The following BLTP1 variants were observed in gnomAD, a reference collection of about 807,000 sequenced individuals.
BLTP1 encodes bridge-like lipid transfer protein family member 1.
At chr4:122,187,846 A>G in the BLTP1 span, 1 of 1,521,664 alleles carries the variant, frequency 6.6e-7, no homozygotes, top group East Asian at 2.4e-5. Flanking sequence ...AAATATGGCC[A>G]GAATAGCATG....
chr4:122,184,608 C>G, the BLTP1 span: 1 of 763,418 alleles, frequency 1.3e-6, no homozygotes, highest in East Asian at 1.3e-4. Flanking sequence ...CCATTGCACT[C>G]CAGCCTGGGC....
At chr4:122,321,697 A>G in the BLTP1 span, among the ~76,000 whole-genome samples, 2 of 151,978 alleles carry the variant, frequency 1.3e-5, no homozygotes, top group East Asian at 1.9e-4. Context: ...AGAGATCTAT[A>G]TCATTTTCCT....
the BLTP1 span, chr4:122,290,812 T>TAAAC: frequency 1.1e-5 from 1 of 92,588 alleles, no homozygotes; most frequent in Non-Finnish European, 2.0e-5. Flanking sequence ...AAAAAAAATA[T>TAAAC]ACACACACAC....
chr4:122,180,708 T>G, the BLTP1 span, among the ~76,000 whole-genome samples: 1 of 152,232 alleles, frequency 6.6e-6, no homozygotes, highest in African/African-American at 2.4e-5. Context: ...ATTATGTAAT[T>G]GGGACACATG....
At chr4:122,190,328 T>G in the BLTP1 span, 55 of 705,192 alleles carry the variant, frequency 7.8e-5, no homozygotes, top group Non-Finnish European at 9.2e-5. Context: ...ATTCCTGGCC[T>G]TAAGTGATCC....
the BLTP1 span, chr4:122,235,639 G>T: frequency 5.2e-6 from 1 of 193,136 alleles, no homozygotes; most frequent in Non-Finnish European, 9.5e-6. Flanking sequence ...CCCCATCTCT[G>T]CTAAAAATAC....
At chr4:122,199,682 G>T in the BLTP1 span, among the ~76,000 whole-genome samples, 1 of 152,002 alleles carries the variant, frequency 6.6e-6, no homozygotes, top group Non-Finnish European at 1.5e-5. Context: ...CATGTTTTTG[G>T]CCTGAAAAAT....
the BLTP1 span, among the ~76,000 whole-genome samples, chr4:122,284,221 G>A: frequency 6.6e-6 from 1 of 152,108 alleles, no homozygotes; most frequent in Non-Finnish European, 1.5e-5. Flanking sequence ...TAGATTCTTA[G>A]GAGTTTTATC....
chr4:122,336,952 C>T, the BLTP1 span: 1 of 1,612,138 alleles, frequency 6.2e-7, no homozygotes, highest in Non-Finnish European at 8.5e-7. Context: ...AACAACATCA[C>T]TAGTGTCGTC....
chr4:122,279,211 A>C, the BLTP1 span, among the ~76,000 whole-genome samples: 3 of 152,186 alleles, frequency 2.0e-5, no homozygotes, highest in Non-Finnish European at 2.9e-5. Flanking sequence ...AAGCTGAATC[A>C]ATTGAAGTTG....
chr4:122,156,838 G>GCTCA, the BLTP1 span, among the ~76,000 whole-genome samples: 1 of 152,158 alleles, frequency 6.6e-6, no homozygotes, highest in African/African-American at 2.4e-5. Flanking sequence ...TAATACAAGG[G>GCTCA]CTCAGGTCAA....
the BLTP1 span, among the ~76,000 whole-genome samples, chr4:122,279,098 T>C: frequency 6.6e-6 from 1 of 152,220 alleles, no homozygotes; most frequent in Admixed American, 6.5e-5. Flanking sequence ...AAAATTTCCA[T>C]TGAAAGCTCT....
chr4:122,288,092 T>C, the BLTP1 span, among the ~76,000 whole-genome samples: 61 of 152,304 alleles, frequency 4.0e-4, 1 homozygote, highest in South Asian at 7.9e-3. Flanking sequence ...TTGCCTATTT[T>C]ACTATGGCCT....
the BLTP1 span, chr4:122,185,043 G>C: frequency 1.0e-6 from 1 of 985,360 alleles, no homozygotes; most frequent in Middle Eastern, 5.2e-4. Context: ...CAAAACGATA[G>C]AAGACTAAAT....
chr4:122,344,677 T>A, the BLTP1 span: 3 of 1,147,784 alleles, frequency 2.6e-6, no homozygotes, highest in East Asian at 7.7e-5. Flanking sequence ...CAGTGATAAG[T>A]TGATATAAAG....
chr4:122,211,120 A>C, the BLTP1 span: 1 of 1,562,452 alleles, frequency 6.4e-7, no homozygotes, highest in Non-Finnish European at 8.8e-7. Context: ...AACAACTTAC[A>C]TACTTTTAAA....
At chr4:122,200,955 A>G in the BLTP1 span, 5 of 1,585,862 alleles carry the variant, frequency 3.2e-6, no homozygotes, top group African/African-American at 4.1e-5. Context: ...AATGCTGTTC[A>G]CACAGTGTCA....
the BLTP1 span, chr4:122,224,701 C>T: frequency 1.2e-6 from 2 of 1,613,892 alleles, no homozygotes; most frequent in Non-Finnish European, 1.7e-6. Flanking sequence ...AGTACTATCT[C>T]CTGACTTATT....
At chr4:122,210,070 T>A in the BLTP1 span, 1 of 1,327,860 alleles carries the variant, frequency 7.5e-7, no homozygotes, top group East Asian at 2.8e-5. Flanking sequence ...TAATTGTAGC[T>A]ACCTTTTGAG....
Sources: gnomAD v4.1 joint callset for allele counts (sites outside exome capture counted in the v4.1 genomes callset) on GRCh38, gnomAD v4.1.1 for gene constraint, MANE v1.5 for transcripts, NCBI Gene and HGNC (gene_info 2026-07-23, HGNC 2026-07-21) for gene names.